Variants in LOC128125817 observed in about 807,000 individuals in gnomAD.
chr1:41,625,035 C>T, the LOC128125817 span, among the ~76,000 whole-genome samples: 23 of 151,830 alleles, frequency 1.5e-4, no homozygotes, highest in Non-Finnish European at 2.2e-4. Context: ...TGGTGGCATG[C>T]GCCTGTAAGC....
chr1:41,617,867 G>T, the LOC128125817 span, among the ~76,000 whole-genome samples: 620 of 125,436 alleles, frequency 4.9e-3, 6 homozygotes, highest in African/African-American at 0.017. Flanking sequence ...GAACTGGACA[G>T]GCTTCTAAGC....
the LOC128125817 span, among the ~76,000 whole-genome samples, chr1:41,624,904 G>A: frequency 2.6e-5 from 4 of 152,262 alleles, no homozygotes; most frequent in Admixed American, 6.5e-5. Context: ...GGTGGCTCAC[G>A]CCTGTAATCC....
the LOC128125817 span, among the ~76,000 whole-genome samples, chr1:41,628,118 G>C: frequency 6.6e-6 from 1 of 152,196 alleles, no homozygotes; most frequent in African/African-American, 2.4e-5. Context: ...CTGATACCAG[G>C]CCTCTCCCCA....
the LOC128125817 span, among the ~76,000 whole-genome samples, chr1:41,588,396 G>T: frequency 6.6e-6 from 1 of 152,236 alleles, no homozygotes; most frequent in Admixed American, 6.5e-5. Flanking sequence ...CTGAGTGGGG[G>T]TCAGCTGGCC....
chr1:41,600,735 C>G, the LOC128125817 span, among the ~76,000 whole-genome samples: 1 of 152,148 alleles, frequency 6.6e-6, no homozygotes, highest in Non-Finnish European at 1.5e-5. Context: ...TTAACAGGCA[C>G]TACAAGCAAG....
At chr1:41,615,700 A>G in the LOC128125817 span, among the ~76,000 whole-genome samples, 1 of 152,126 alleles carries the variant, frequency 6.6e-6, no homozygotes, top group African/African-American at 2.4e-5. Context: ...GTAAACCCAG[A>G]AAACAATCAT....
the LOC128125817 span, among the ~76,000 whole-genome samples, chr1:41,622,539 G>A: frequency 6.6e-6 from 1 of 152,140 alleles, no homozygotes; most frequent in African/African-American, 2.4e-5. Flanking sequence ...ACACAACCAC[G>A]CCCATTTTTT....
At chr1:41,592,550 A>T in the LOC128125817 span, among the ~76,000 whole-genome samples, 1 of 152,168 alleles carries the variant, frequency 6.6e-6, no homozygotes, top group African/African-American at 2.4e-5. Context: ...CCATCTAGTG[A>T]TACCTGCTAA....
the LOC128125817 span, among the ~76,000 whole-genome samples, chr1:41,589,735 C>T: frequency 5.9e-5 from 9 of 152,172 alleles, no homozygotes; most frequent in Non-Finnish European, 1.0e-4. Context: ...GGGCAGGGGC[C>T]TGATGTCCAA....
chr1:41,615,508 G>A, the LOC128125817 span, among the ~76,000 whole-genome samples: 9 of 152,328 alleles, frequency 5.9e-5, no homozygotes, highest in East Asian at 1.3e-3. Context: ...GAAGGGATTC[G>A]CGCAAGACCA....
chr1:41,608,052 G>C, the LOC128125817 span, among the ~76,000 whole-genome samples: 4 of 152,190 alleles, frequency 2.6e-5, no homozygotes, highest in African/African-American at 4.8e-5. Flanking sequence ...GAGTGGCTGT[G>C]TGCCCTGCTA....
the LOC128125817 span, among the ~76,000 whole-genome samples, chr1:41,628,043 G>C: frequency 6.6e-6 from 1 of 152,152 alleles, no homozygotes; most frequent in African/African-American, 2.4e-5. Context: ...CTGTACTGAA[G>C]CCTGAACATC....
the LOC128125817 span, among the ~76,000 whole-genome samples, chr1:41,604,144 C>A: frequency 6.6e-6 from 1 of 152,180 alleles, no homozygotes; most frequent in Non-Finnish European, 1.5e-5. Context: ...CACACACCTA[C>A]CCTCAGACCC....
At chr1:41,626,219 A>G in the LOC128125817 span, among the ~76,000 whole-genome samples, 5 of 152,070 alleles carry the variant, frequency 3.3e-5, no homozygotes, top group East Asian at 7.7e-4. Flanking sequence ...AGCACTGCAC[A>G]CCTCTGTCTT....
chr1:41,617,092 G>C, the LOC128125817 span, among the ~76,000 whole-genome samples: 1 of 152,158 alleles, frequency 6.6e-6, no homozygotes, highest in African/African-American at 2.4e-5. Context: ...TCCAAACAGA[G>C]ACAGGATCTG....
At chr1:41,610,266 GC>G in the LOC128125817 span, among the ~76,000 whole-genome samples, 2 of 152,096 alleles carry the variant, frequency 1.3e-5, no homozygotes, top group African/African-American at 4.8e-5. Flanking sequence ...GCTTTCTATG[GC>G]CCCCTTACAC....
At chr1:41,627,851 G>C in the LOC128125817 span, among the ~76,000 whole-genome samples, 174 of 152,160 alleles carry the variant, frequency 1.1e-3, no homozygotes, top group African/African-American at 4.1e-3. Context: ...GAGGGCACAG[G>C]TAGGCCAGAG....
At chr1:41,587,486 C>A in the LOC128125817 span, among the ~76,000 whole-genome samples, 1 of 152,148 alleles carries the variant, frequency 6.6e-6, no homozygotes, top group Non-Finnish European at 1.5e-5. Flanking sequence ...CATCGAGGAA[C>A]AACAGGAATA....
the LOC128125817 span, among the ~76,000 whole-genome samples, chr1:41,624,234 G>A: frequency 6.6e-6 from 1 of 152,120 alleles, no homozygotes; most frequent in Non-Finnish European, 1.5e-5. Context: ...GTACAAAAAT[G>A]AGAACCACCA....
Sources: gnomAD v4.1 joint callset for allele counts (sites outside exome capture counted in the v4.1 genomes callset) on GRCh38, gnomAD v4.1.1 for gene constraint, MANE v1.5 for transcripts.